CYP19A1: variants seen among roughly 807,000 people sequenced by gnomAD.
CYP19A1 encodes the protein aromatase.
In CYP19A1, 32 loss-of-function variants were observed where a neutral mutation model predicts 44.4. The observed-to-expected ratio is 0.72, with a 90% confidence interval of 0.54 to 0.97. CYP19A1 has a LOEUF of 0.97. Among genes scored for constraint, CYP19A1 ranks in the 50% least tolerant of loss-of-function variants. The probability of loss-of-function intolerance (pLI) is 0.00; values close to 1 mark genes in which losing one functional copy is unlikely to be tolerated. For missense variants in CYP19A1, 598 were observed against 637.8 expected, an observed-to-expected ratio of 0.94 and a Z score of 0.67; for synonymous variants, 212 against 215.6, an observed-to-expected ratio of 0.98 and a Z score of 0.14.
chr15:51,215,877 A>G, intron 6 of CYP19A1, 60 bp from the exon 7 acceptor site: 1 of 1,606,844 alleles, frequency 6.2e-7, no homozygotes, highest in Non-Finnish European at 8.5e-7. Flanking sequence ...AGCGAAACAG[A>G]TTTATTTGCC....
intron 1 of CYP19A1, among the ~76,000 whole-genome samples, chr15:51,264,553 C>G (rs1021168656): frequency 6.6e-6 from 1 of 152,148 alleles, no homozygotes; most frequent in Non-Finnish European, 1.5e-5. Flanking sequence ...CTAACACCAG[C>G]TCCCAGCACT....
chr15:51,245,029 T>C (rs972846590), intron 1 of CYP19A1, among the ~76,000 whole-genome samples: 2 of 150,752 alleles, frequency 1.3e-5, no homozygotes, highest in Non-Finnish European at 2.9e-5. Context: ...ACTATTTTTG[T>C]TTGTTTGTTC....
intron 1 of CYP19A1, among the ~76,000 whole-genome samples, chr15:51,305,830 G>T (rs1423562597): frequency 3.5e-5 from 5 of 141,714 alleles, no homozygotes; most frequent in African/African-American, 5.8e-5. Context: ...CAAAGTGTTG[G>T]GGTTACAAGC....
chr15:51,245,273 A>G (rs1005951999), intron 1 of CYP19A1, among the ~76,000 whole-genome samples: 2 of 152,250 alleles, frequency 1.3e-5, no homozygotes, highest in Non-Finnish European at 2.9e-5. Context: ...AAAGTATGTC[A>G]TAAAGATCCC....
chr15:51,277,430 A>G (rs1042360240), intron 1 of CYP19A1: 1 of 152,160 alleles, frequency 6.6e-6, no homozygotes, highest in African/African-American at 2.4e-5. Flanking sequence ...AATTTTTCCT[A>G]TTTTTAGTTT....
intron 1 of CYP19A1, among the ~76,000 whole-genome samples, chr15:51,305,790 A>C (rs533644161): frequency 1.1e-4 from 16 of 152,108 alleles, no homozygotes; most frequent in East Asian, 1.9e-4. Context: ...CGAACTCCTG[A>C]CCTCAGGTGA....
chr15:51,259,247 T>G (rs1220444188), intron 1 of CYP19A1, among the ~76,000 whole-genome samples: 1 of 152,208 alleles, frequency 6.6e-6, no homozygotes, highest in Non-Finnish European at 1.5e-5. Context: ...CAAAATATTT[T>G]TTTTCCTTGA....
intron 1 of CYP19A1, 119 bp from the exon 2 acceptor site, chr15:51,243,069 A>G: frequency 4.1e-6 from 3 of 725,194 alleles, no homozygotes; most frequent in Non-Finnish European, 7.6e-6. Flanking sequence ...TAATGTGATC[A>G]GACATTTAGG....
intron 1 of CYP19A1, among the ~76,000 whole-genome samples, chr15:51,275,149 C>A (rs554251837): frequency 1.7e-4 from 26 of 152,214 alleles, no homozygotes; most frequent in Admixed American, 4.6e-4. Context: ...GAACTGTTCA[C>A]ACAGAAAGGG....
chr15:51,332,361 A>T, intron 1 of CYP19A1, among the ~76,000 whole-genome samples: 1 of 152,084 alleles, frequency 6.6e-6, no homozygotes, highest in East Asian at 1.9e-4. Flanking sequence ...CCACTCTCAC[A>T]CACCAATGTG....
At chr15:51,327,666 G>A (rs1194489160) in intron 1 of CYP19A1, among the ~76,000 whole-genome samples, 7 of 152,048 alleles carry the variant, frequency 4.6e-5, no homozygotes, top group African/African-American at 9.7e-5. Flanking sequence ...ACAGATGCGT[G>A]TTCTTCACAG....
chr15:51,240,967 A>G (rs538921302), intron 2 of CYP19A1, among the ~76,000 whole-genome samples: 1 of 152,290 alleles, frequency 6.6e-6, no homozygotes, highest in Non-Finnish European at 1.5e-5. Context: ...TTAGGCTCAT[A>G]TTTGTGGCTC....
intron 1 of CYP19A1, chr15:51,321,146 C>G (rs554248996): frequency 1.3e-5 from 2 of 152,822 alleles, no homozygotes; most frequent in Non-Finnish European, 2.9e-5. Flanking sequence ...AAGCTACAGC[C>G]TTTGAACTTC....
chr15:51,222,529 C>T lies in CYP19A1; in HGVS notation c.452-4G>A. On this transcript the variant is annotated splice_region_variant and splice_polypyrimidine_tract_variant and intron_variant, in intron 4 of 9. Transcript: ENST00000396402. Reference sequence around the variant, plus strand: ...ACAAGGCCGGGGCCTGACAGAGCTGCAGAGTACACATCAGAGAATCAGCCA... The same window carrying T: ...ACAAGGCCGGGGCCTGACAGAGCTGTAGAGTACACATCAGAGAATCAGCCA... 1 of 1,611,866 alleles carries T rather than the reference C, an allele frequency of 6.2e-7. No individual in the cohort carries two copies.
intron 3 of CYP19A1, among the ~76,000 whole-genome samples, chr15:51,233,001 C>T (rs1398182215): frequency 6.6e-6 from 1 of 152,246 alleles, no homozygotes; most frequent in East Asian, 1.9e-4. Context: ...TATTCTTCCA[C>T]TCAGGTTCTT....
At chr15:51,324,944 G>A (rs1436804436) in intron 1 of CYP19A1, among the ~76,000 whole-genome samples, 1 of 152,142 alleles carries the variant, frequency 6.6e-6, no homozygotes, top group Non-Finnish European at 1.5e-5. Context: ...CTCATTTTTG[G>A]TGAAAATGAG....
At chr15:51,294,504 C>A (rs1321573394) in intron 1 of CYP19A1, among the ~76,000 whole-genome samples, 2 of 148,328 alleles carry the variant, frequency 1.3e-5, no homozygotes, top group African/African-American at 5.1e-5. Context: ...AAGTGAGGAG[C>A]CCCTCCGCCC....
At chr15:51,327,132 A>G (rs899528373) in intron 1 of CYP19A1, among the ~76,000 whole-genome samples, 2 of 152,250 alleles carry the variant, frequency 1.3e-5, no homozygotes, top group Non-Finnish European at 2.9e-5. Flanking sequence ...AAGAATAAAC[A>G]TGAGTAACAT....
intron 1 of CYP19A1, among the ~76,000 whole-genome samples, chr15:51,256,807 C>G (rs2034533698): frequency 1.3e-5 from 2 of 152,168 alleles, no homozygotes; most frequent in South Asian, 4.1e-4. Flanking sequence ...GAATCATATC[C>G]TTCAAAAACA....
Sources: gnomAD v4.1 joint callset for allele counts (sites outside exome capture counted in the v4.1 genomes callset) on GRCh38, gnomAD v4.1.1 for gene constraint, MANE v1.5 for transcripts, NCBI Gene and HGNC (gene_info 2026-07-23, HGNC 2026-07-21) for gene names.